ST8SIA2: variants seen among roughly 807,000 people sequenced by gnomAD.
The protein encoded by ST8SIA2 is ST8 alpha-N-acetyl-neuraminide alpha-2,8-sialyltransferase 2, also known as alpha-2,8-sialyltransferase 8B.
In ST8SIA2, 22 loss-of-function variants were observed where a neutral mutation model predicts 37.6. That is an observed-to-expected ratio of 0.58 (90% CI 0.42 to 0.83). ST8SIA2 has a LOEUF of 0.83. Ranked by LOEUF, ST8SIA2 falls within the 40% of genes least tolerant of loss-of-function variation. ST8SIA2 has a pLI of 0.00. For synonymous variants in ST8SIA2, 205 were observed against 201.2 expected (o/e 1.02, Z -0.16); for missense variants, 382 against 484.7 (o/e 0.79, Z 1.99).
intron 5 of ST8SIA2, among the ~76,000 whole-genome samples, chr15:92,455,729 C>G (rs2049915461): frequency 6.6e-6 from 1 of 152,192 alleles, no homozygotes; most frequent in African/African-American, 2.4e-5. Context: ...AATGCTACAT[C>G]GATCACCCTT....
At chr15:92,439,067 G>A (rs567176536) in intron 4 of ST8SIA2, among the ~76,000 whole-genome samples, 67 of 152,202 alleles carry the variant, frequency 4.4e-4, no homozygotes, top group Non-Finnish European at 7.8e-4. Flanking sequence ...TCAGAACAGA[G>A]AGATCATATC....
At position 92,436,473 on chromosome 15, in the gene ST8SIA2, T is replaced by G. The variant is rs116812103; in HGVS notation, c.291-1880T>G. Among the ~76,000 whole-genome samples the G allele has an allele frequency of 7.8e-3, 1,190 of 152,340 alleles. 19 individuals carry two copies. Among genetic ancestry groups the G allele is most frequent in the African/African-American group, 0.027 (1,128 of 41,576 alleles). ...TCCAGCTTCAATTAATCACCAAGAT[T>G]ATTCATAATAAAAGATTCTGCAAGT... On this transcript the variant is annotated intron_variant, in intron 3 of 5. Coordinates refer to ENST00000268164, the MANE Select transcript of ST8SIA2 (RefSeq NM_006011.4).
intron 5 of ST8SIA2, among the ~76,000 whole-genome samples, chr15:92,452,957 C>G (rs796090386): frequency 2.6e-5 from 4 of 152,210 alleles, no homozygotes; most frequent in African/African-American, 9.6e-5. Flanking sequence ...GCCTCCCTTC[C>G]CACGCTGAGA....
At chr15:92,458,742 C>T (rs2049936773) in intron 5 of ST8SIA2, among the ~76,000 whole-genome samples, 1 of 152,178 alleles carries the variant, frequency 6.6e-6, no homozygotes, top group Admixed American at 6.5e-5. Context: ...GTGACCACAG[C>T]TGCCCAGAGA....
At chr15:92,431,718 G>A (rs1465052952) in intron 2 of ST8SIA2, among the ~76,000 whole-genome samples, 1 of 152,188 alleles carries the variant, frequency 6.6e-6, no homozygotes, top group African/African-American at 2.4e-5. Context: ...TAAAACCTGT[G>A]AACCGAGGTG....
chr15:92,413,184 T>G (rs1288970979), intron 1 of ST8SIA2, among the ~76,000 whole-genome samples: 1 of 152,092 alleles, frequency 6.6e-6, no homozygotes, highest in East Asian at 1.9e-4. Flanking sequence ...AGGTGCTCCA[T>G]GATGCTCGAA....
intron 5 of ST8SIA2, among the ~76,000 whole-genome samples, chr15:92,458,194 C>G (rs994714285): frequency 2.0e-5 from 3 of 152,184 alleles, no homozygotes; most frequent in African/African-American, 7.2e-5. Flanking sequence ...GGCAGGGGCT[C>G]TCTTCCAATC....
rs752330245 is a variant in ST8SIA2, at chr15:92,444,887, G to A, written c.800G>A (p.Arg267His). 45 of 1,613,212 alleles carry A rather than the reference G, an allele frequency of 2.8e-5. 1 individual carries two copies. The highest frequency in any genetic ancestry group is 1.3e-4 in the Admixed American group (8 of 60,014). ...ATCCTGAAGCACCACGTCAACGTGC[G>A]CACTGCATACCCCTCGCTGCGCCTG... is the stretch of plus-strand genomic sequence containing the variant. ...ELILKHHVNV[R>H]TAYPSLRLLH... Residue 267 changes from arginine (R) to histidine (H), a missense_variant, in exon 5 of 6, where the codon CGC becomes CAC. Physicochemically the swap from Arg to His is conservative, Grantham distance 29. Coordinates refer to ENST00000268164, the MANE Select transcript of ST8SIA2 (RefSeq NM_006011.4).
At chr15:92,395,038 C>G (rs1317033231) in intron 1 of ST8SIA2, among the ~76,000 whole-genome samples, 1 of 152,110 alleles carries the variant, frequency 6.6e-6, no homozygotes, top group East Asian at 1.9e-4. Context: ...CGGGACGCAC[C>G]GGCTGTGTGT....
intron 3 of ST8SIA2, among the ~76,000 whole-genome samples, chr15:92,436,260 C>G (rs1430662050): frequency 2.6e-5 from 4 of 152,130 alleles, no homozygotes. Flanking sequence ...ACTACACCAC[C>G]GTGAATGAAA....
At chr15:92,454,896 G>C (rs376307922) in intron 5 of ST8SIA2, among the ~76,000 whole-genome samples, 65 of 152,110 alleles carry the variant, frequency 4.3e-4, no homozygotes, top group Middle Eastern at 3.4e-3. Context: ...AGGAGGCTGC[G>C]ACCCACAGAG....
chr15:92,418,393 T>A (rs1338874593), intron 1 of ST8SIA2, among the ~76,000 whole-genome samples: 1 of 144,086 alleles, frequency 6.9e-6, no homozygotes, highest in East Asian at 2.0e-4. Flanking sequence ...GCCCGGGAAG[T>A]CGAGGCTATG....
chr15:92,448,443 C>T (rs575461558), intron 5 of ST8SIA2, among the ~76,000 whole-genome samples: 17 of 152,254 alleles, frequency 1.1e-4, no homozygotes, highest in East Asian at 3.9e-4. Flanking sequence ...CAAAGTCACA[C>T]GAGAAAAGAC....
intron 4 of ST8SIA2, among the ~76,000 whole-genome samples, chr15:92,439,233 GGGGGTGCCC>G (rs2049783420): frequency 6.6e-6 from 1 of 152,198 alleles, no homozygotes; most frequent in Non-Finnish European, 1.5e-5. Flanking sequence ...TGTCTTGGGA[GGGGGTGCCC>G]TACTAGTGAC....
intron 1 of ST8SIA2, among the ~76,000 whole-genome samples, chr15:92,418,085 C>T (rs1442191453): frequency 1.3e-5 from 2 of 152,106 alleles, no homozygotes; most frequent in African/African-American, 4.8e-5. Flanking sequence ...GCTTTGCTTG[C>T]TGGGTGGCCC....
chr15:92,412,107 C>G (rs1202705186), intron 1 of ST8SIA2, among the ~76,000 whole-genome samples: 1 of 151,822 alleles, frequency 6.6e-6, no homozygotes, highest in East Asian at 1.9e-4. Context: ...TGGGGTGAAG[C>G]GAGATTCCAA....
intron 5 of ST8SIA2, among the ~76,000 whole-genome samples, chr15:92,459,059 C>T (rs892740657): frequency 2.0e-5 from 3 of 152,278 alleles, no homozygotes; most frequent in South Asian, 4.1e-4. Flanking sequence ...GCCCAGCACA[C>T]GCCTGAGTAA....
Position 92,427,523 on chromosome 15 carries a change from T to C in ST8SIA2, c.99-2526T>C, listed in dbSNP as rs374546189. 2.6e-5 allele frequency among the ~76,000 whole-genome samples: 4 copies of C among 152,346 alleles called. No homozygotes were observed. The East Asian group carries it at 5.8e-4, about 22-fold the overall frequency. On this transcript the variant is annotated intron_variant, in intron 1 of 5. Transcript: ENST00000268164. ...TAGTACAAGCCAAATTTTGGATTTT[T>C]ATAAAGTTAAATCTGTCGACATTTT...
At chr15:92,433,610 A>G (rs2049732713) in intron 2 of ST8SIA2, among the ~76,000 whole-genome samples, 1 of 152,204 alleles carries the variant, frequency 6.6e-6, no homozygotes, top group Non-Finnish European at 1.5e-5. Flanking sequence ...CCTAAATTCA[A>G]CAATACTTAT....
Sources: gnomAD v4.1 joint callset for allele counts (sites outside exome capture counted in the v4.1 genomes callset) on GRCh38, gnomAD v4.1.1 for gene constraint, MANE v1.5 for transcripts, NCBI Gene and HGNC (gene_info 2026-07-23, HGNC 2026-07-21) for gene names.